VPS33B: variants seen among roughly 807,000 people sequenced by gnomAD.
VPS33B encodes VPS33B late endosome and lysosome associated, also known as vacuolar protein sorting-associated protein 33B.
In VPS33B, 80 loss-of-function variants were observed where a neutral mutation model predicts 95.3. The ratio of observed to expected loss-of-function variants is 0.84; its 90% CI spans 0.70 to 1.01. The LOEUF is 1.01. Ranked by LOEUF, VPS33B falls within the 50% of genes least tolerant of loss-of-function variation. The pLI is 0.00. For missense variants in VPS33B, 715 were observed against 773.4 expected (o/e 0.92, Z 0.90); for synonymous variants, 280 against 280.4 (o/e 1.00, Z 0.01).
At position 91,009,897 on chromosome 15, in the gene VPS33B, C is replaced by G. The variant is rs1176709297; in HGVS notation, c.358-51G>C. On this transcript the variant is annotated intron_variant, in intron 5 of 22. Transcript: ENST00000333371. The surrounding 1 kb of genome is among the most constrained non-coding windows in gnomAD (Gnocchi z 4.1). ...GTAACTACCTTCTTCTCTGTTCTCTCCATTTCTCTGGAGTTCCTCTGTGGT... is the reference window on the plus strand; with the variant it reads ...GTAACTACCTTCTTCTCTGTTCTCTGCATTTCTCTGGAGTTCCTCTGTGGT... 2.5e-6 allele frequency: 4 copies of G among 1,608,848 alleles called. No individual in the cohort carries two copies. The highest frequency in any genetic ancestry group is 3.4e-6 in the Non-Finnish European group (4 of 1,175,564).
In VPS33B at chr15:91,007,197, T is replaced by C. The variant is rs2040635248; in HGVS notation, c.604-151A>G. On this transcript the variant is annotated intron_variant, in intron 8 of 22. Coordinates refer to ENST00000333371, the MANE Select transcript of VPS33B (RefSeq NM_018668.5). This position sits in a 1 kb window ranked among gnomAD's most constrained non-coding sequence, Gnocchi z 5.3. ...ATATGGCCCTATCTACTCCCGTCTGTGTCTATCTTTCCCCAACACTCTTCC... is the reference window on the plus strand; with the variant it reads ...ATATGGCCCTATCTACTCCCGTCTGCGTCTATCTTTCCCCAACACTCTTCC... 6 of 851,782 alleles carry C rather than the reference T, an allele frequency of 7.0e-6. No individual in the cohort carries two copies. Among genetic ancestry groups the C allele is most frequent in the Admixed American group, 2.0e-5 (1 of 50,118 alleles). 52.8% of individuals were successfully genotyped at this position (851,782 alleles called of 1,614,324 possible).
In VPS33B at chr15:91,018,754, C is replaced by CA. The variant is rs2041016668; in HGVS notation, c.97-870dup. 6.6e-6 allele frequency among the ~76,000 whole-genome samples: 1 copy of CA among 152,106 alleles called. No homozygotes were observed. The highest frequency in any genetic ancestry group is 6.5e-5 in the Admixed American group (1 of 15,270). On this transcript the variant is annotated intron_variant, in intron 1 of 22. Transcript: ENST00000333371. This position sits in a 1 kb window ranked among gnomAD's most constrained non-coding sequence, Gnocchi z 4.7. ...CCCCACCACAAAGAATGATCCAGCC[C>CA]AAAAAGTCAACAGTATAGAGAGCAG...
Position 91,005,337 on chromosome 15 carries a change from A to G in VPS33B, c.1105+43T>C, listed in dbSNP as rs758791371. Reference sequence around the variant, plus strand: ...GTGGGACGGGGCTGGGAGCTGGGGAAGTAGAAGCGTGGGCAGTAGCACAGC... The same window carrying G: ...GTGGGACGGGGCTGGGAGCTGGGGAGGTAGAAGCGTGGGCAGTAGCACAGC... On this transcript the variant is annotated intron_variant, in intron 14 of 22. Coordinates refer to ENST00000333371, the MANE Select transcript of VPS33B (RefSeq NM_018668.5). The surrounding 1 kb of genome is among the most constrained non-coding windows in gnomAD (Gnocchi z 6.4). 1.9e-6 allele frequency: 3 copies of G among 1,614,124 alleles called. No individual in the cohort carries two copies. The South Asian group carries it at 3.3e-5, about 18-fold the overall frequency.
chr15:91,006,858 C>G lies in VPS33B; in HGVS notation c.700+92G>C. The stretch of plus-strand genomic sequence containing the variant: ...CTCCTCAAAGCTGGGATTCACAGCC[C>G]TAACTTTAGGATTTTAACTTTGCCA... On this transcript the variant is annotated intron_variant, in intron 9 of 22. Coordinates refer to ENST00000333371, the MANE Select transcript of VPS33B (RefSeq NM_018668.5). The surrounding 1 kb of genome is among the most constrained non-coding windows in gnomAD (Gnocchi z 5.4). 1 of 1,598,170 alleles carries G rather than the reference C, an allele frequency of 6.3e-7. No individual in the cohort carries two copies. Among genetic ancestry groups the G allele is most frequent in the South Asian group, 1.1e-5 (1 of 90,502 alleles).
Position 91,022,487 on chromosome 15 carries a change from C to G in VPS33B, c.-238G>C, listed in dbSNP as rs931050789. ...CCTGCAGCCACCGTGTCTCGACCCTCCCTCCCTGATCCACTCTGCCCGTCA... is the reference window on the plus strand; with the variant it reads ...CCTGCAGCCACCGTGTCTCGACCCTGCCTCCCTGATCCACTCTGCCCGTCA... On this transcript the variant is annotated 5_prime_UTR_variant, in exon 1 of 23. Transcript: ENST00000333371. 4.4e-6 allele frequency: 2 copies of G among 449,586 alleles called. No homozygotes were observed. Among genetic ancestry groups the G allele is most frequent in the Admixed American group, 3.7e-5 (1 of 27,380 alleles). The allele number at this position is 449,586 out of a possible 1,614,324, so 27.8% of individuals were successfully genotyped here.
chr15:90,998,553 C>T, downstream of VPS33B: 1 of 297,362 alleles, frequency 3.4e-6, no homozygotes, highest in South Asian at 3.3e-5. The surrounding 1 kb of genome is among the most constrained non-coding windows in gnomAD (Gnocchi z 4.8). Flanking sequence ...CAGGGAAGAA[C>T]CAGACCAGGC....
intron 18 of VPS33B, 149 bp downstream of exon 18, chr15:91,001,901 T>G: frequency 7.7e-7 from 1 of 1,297,310 alleles, no homozygotes; most frequent in African/African-American, 1.5e-5. Context: ...CTGCTCTTAC[T>G]AGCAGAAGTA....
chr15:91,018,216 T>G lies in VPS33B; in HGVS notation c.97-331A>C, dbSNP rs7164916. On this transcript the variant is annotated intron_variant, in intron 1 of 22. Transcript: ENST00000333371. The surrounding 1 kb of genome is among the most constrained non-coding windows in gnomAD (Gnocchi z 4.7). ...CTGCTGCCTCCTCCACTCTGGCTCC[T>G]AACCACCCCTGGTCTCCTGCTGAAC... 6.6e-6 allele frequency among the ~76,000 whole-genome samples: 1 copy of G among 151,986 alleles called. No individual in the cohort carries two copies. Among genetic ancestry groups the G allele is most frequent in the Non-Finnish European group, 1.5e-5 (1 of 67,972 alleles).
intron 1 of VPS33B, among the ~76,000 whole-genome samples, chr15:91,020,853 C>T (rs1410818136): frequency 6.6e-6 from 1 of 152,108 alleles, no homozygotes; most frequent in Non-Finnish European, 1.5e-5. Context: ...TGCACTCCAG[C>T]CTGGGCAACG....
chr15:91,001,052 A>G, intron 19 of VPS33B: 1 of 368,956 alleles, frequency 2.7e-6, no homozygotes, highest in Non-Finnish European at 5.2e-6. Context: ...GCAGTGGCTC[A>G]TGCCTGTAAT....
rs2040485477 is a variant in VPS33B, at chr15:91,002,933, G to T, written c.1272+152C>A. 3 of 846,188 alleles carry T rather than the reference G, an allele frequency of 3.5e-6. No homozygotes were observed. Among genetic ancestry groups the T allele is most frequent in the Non-Finnish European group, 6.1e-6 (3 of 494,192 alleles). 52.4% of individuals were successfully genotyped at this position (846,188 alleles called of 1,614,324 possible). On this transcript the variant is annotated intron_variant, in intron 17 of 22. Transcript: ENST00000333371. This position sits in a 1 kb window ranked among gnomAD's most constrained non-coding sequence, Gnocchi z 4.7. ...AGAGGGCAGAGAGGCGTGCTGAAAGGTGACTCTCCCTAGTAGCTCTAAGAG... is the reference window on the plus strand; with the variant it reads ...AGAGGGCAGAGAGGCGTGCTGAAAGTTGACTCTCCCTAGTAGCTCTAAGAG...
Position 91,022,344 on chromosome 15 carries a change from G to T in VPS33B, c.-95C>A. On this transcript the variant is annotated 5_prime_UTR_variant, in exon 1 of 23. The change creates a new upstream start codon in the 5' untranslated region. Coordinates refer to ENST00000333371, the MANE Select transcript of VPS33B (RefSeq NM_018668.5). ...GAAGCGCAAGGGGGGCTATCCTTCA[G>T]GCCTGGGCACCGACTTCCAGAGACC... 7.6e-7 allele frequency: 1 copy of T among 1,318,626 alleles called. No homozygotes were observed. Among genetic ancestry groups the T allele is most frequent in the Non-Finnish European group, 1.0e-6 (1 of 974,674 alleles). The allele number at this position is 1,318,626 out of a possible 1,614,324, so 81.7% of individuals were successfully genotyped here.
rs780357120 is a variant in VPS33B at position 91,009,368 on chromosome 15, G to A, written c.403+433C>T. ...GTTGCCCAGGCTGGAGTGCAATGGC[G>A]TGATCTCGGCTCACTGCAACCTCTG... is the stretch of plus-strand genomic sequence containing the variant. On this transcript the variant is annotated intron_variant, in intron 6 of 22. Transcript: ENST00000333371. The surrounding 1 kb of genome is among the most constrained non-coding windows in gnomAD (Gnocchi z 4.1). Among the ~76,000 whole-genome samples the A allele has an allele frequency of 4.6e-5, 7 of 150,556 alleles. No homozygotes were observed. Among genetic ancestry groups the A allele is most frequent in the South Asian group, 2.1e-4 (1 of 4,746 alleles).
rs1225476995 is a variant in VPS33B, at chr15:91,015,830, T to C, written c.239+1133A>G. ...GTGCAACAGAGTGAGACCCTGTCTC[T>C]GAAAATAAATAAATTTAATTAAAAA... On this transcript the variant is annotated intron_variant, in intron 3 of 22. Transcript: ENST00000333371. The surrounding 1 kb of genome is among the most constrained non-coding windows in gnomAD (Gnocchi z 4.7). 6.6e-6 allele frequency among the ~76,000 whole-genome samples: 1 copy of C among 151,954 alleles called. No individual in the cohort carries two copies. The highest frequency in any genetic ancestry group is 1.5e-5 in the Non-Finnish European group (1 of 68,014).
rs771907416 is a variant in VPS33B, at chr15:91,005,390, C to A, written c.1095G>T (p.Lys365Asn). 1 of 1,614,154 alleles carries A rather than the reference C, an allele frequency of 6.2e-7. No individual in the cohort carries two copies. Among genetic ancestry groups the A allele is most frequent in the Non-Finnish European group, 8.5e-7 (1 of 1,180,026 alleles). Residue 365 changes from lysine (K) to asparagine (N), a missense_variant, in exon 14 of 23, where the codon AAG becomes AAT. Transcript: ENST00000333371. The surrounding 1 kb of genome is among the most constrained non-coding windows in gnomAD (Gnocchi z 6.4). ...GGCTGCGGCAGTTACCATGCTCAGT[C>A]TTGATTAGCTCCTGGAAATCCTGCT... ...KTKQDFQELI[K>N]TEHALLEGFN...
rs1295694954 is a variant in VPS33B at position 91,005,478 on chromosome 15, G to GAC, written c.1031-26_1031-25dup. On this transcript the variant is annotated intron_variant, in intron 13 of 22. Coordinates refer to ENST00000333371, the MANE Select transcript of VPS33B (RefSeq NM_018668.5). The surrounding 1 kb of genome is among the most constrained non-coding windows in gnomAD (Gnocchi z 6.4). Reference sequence around the variant, plus strand: ...ATCTGCAGGTTGGACAAAGGGAGCTGACATACTCCTGGTTCTAGAAAGATG... The same window carrying GAC: ...ATCTGCAGGTTGGACAAAGGGAGCTGACACATACTCCTGGTTCTAGAAAGATG... 1 of 1,613,578 alleles carries GAC rather than the reference G, an allele frequency of 6.2e-7. No individual in the cohort carries two copies. Among genetic ancestry groups the GAC allele is most frequent in the Non-Finnish European group, 8.5e-7 (1 of 1,179,774 alleles).
At position 91,017,367 on chromosome 15, in the gene VPS33B, A is replaced by AATATAT. The variant is rs1159663715; in HGVS notation, c.178-349_178-344dup. On this transcript the variant is annotated intron_variant, in intron 2 of 22. Coordinates refer to ENST00000333371, the MANE Select transcript of VPS33B (RefSeq NM_018668.5). ...ACAAGACTCCATCTCTACAAAATTA[A>AATATAT]ATATATATATATATATATATATATA... is the stretch of plus-strand genomic sequence containing the variant. Among the ~76,000 whole-genome samples, 138 of 15,784 alleles carry AATATAT rather than the reference A, an allele frequency of 8.7e-3. 2 individuals carry two copies. The highest frequency in any genetic ancestry group is 0.013 in the Non-Finnish European group (113 of 8,718). The allele number at this position is 15,784 out of a possible 152,430, so 10.4% of individuals were successfully genotyped here. A position where few individuals can be genotyped will look rare whatever the true frequency, so the allele number is the denominator to read the frequency against.
chr15:91,006,562 G>C lies in VPS33B; in HGVS notation c.778+90C>G, dbSNP rs943149437. 5.6e-6 allele frequency: 9 copies of C among 1,606,560 alleles called. No homozygotes were observed. The African/African-American group carries it at 1.1e-4, about 19-fold the overall frequency. On this transcript the variant is annotated intron_variant, in intron 10 of 22. Transcript: ENST00000333371. The surrounding 1 kb of genome is among the most constrained non-coding windows in gnomAD (Gnocchi z 5.4). ...AAGCCAGCAGTTCATTCAGGGTCTG[G>C]GTCTCTCCCACAAACCCTGCCCCAC...
intron 4 of VPS33B, 89 bp downstream of exon 4, chr15:91,014,295 A>G: frequency 7.5e-7 from 1 of 1,337,244 alleles, no homozygotes; most frequent in Non-Finnish European, 1.1e-6. Context: ...TCAAACAATT[A>G]TTTTCTTATT....
Sources: allele counts gnomAD v4.1 joint callset (sites outside exome capture counted in the v4.1 genomes callset), GRCh38; gene constraint gnomAD v4.1.1; non-coding constraint Gnocchi (gnomAD v3.1); transcripts MANE v1.5; gene names NCBI Gene and HGNC (gene_info 2026-07-23, HGNC 2026-07-21).